The following TMC4 variants were observed in gnomAD, a reference collection of about 807,000 sequenced individuals.
TMC4 encodes voltage-gated chloride channel TMC4.
TMC4 carries 70 observed loss-of-function variants against 82.0 expected under a neutral mutation model. That is an observed-to-expected ratio of 0.85 (90% CI 0.70 to 1.04). The LOEUF (loss-of-function observed/expected upper bound fraction) is 1.04. TMC4 is among the 50% of genes least tolerant of loss of function. The pLI, the probability that TMC4 is intolerant of heterozygous loss-of-function variation, is 0.00. For synonymous variants in TMC4, 446 were observed against 406.0 expected, an observed-to-expected ratio of 1.10 and a Z score of -1.18; for missense variants, 879 against 899.0, an observed-to-expected ratio of 0.98 and a Z score of 0.28.
rs751688808 is a variant in TMC4, at chr19:54,168,174, T to C, written c.794A>G (p.His265Arg). ...VGLICLLLIL[H>R]RSVSGLKQTL... Reference sequence around the variant, plus strand: ...CAGGGGTGCAGGTGCCACTGACCGATGCAGGATGAGCAGGAGGCAGATGAG... The same window carrying C: ...CAGGGGTGCAGGTGCCACTGACCGACGCAGGATGAGCAGGAGGCAGATGAG... Residue 265 changes from histidine (H) to arginine (R), a missense_variant, in exon 5 of 15, where the codon CAT becomes CGT. His to Arg is a conservative substitution (Grantham distance 29). Coordinates refer to ENST00000619895, the MANE Select transcript of TMC4 (RefSeq NM_144686.4). The C allele has an allele frequency of 2.5e-6, 4 of 1,603,610 alleles. No homozygotes were observed. Among genetic ancestry groups the C allele is most frequent in the East Asian group, 2.2e-5 (1 of 44,500 alleles).
Position 54,160,153 on chromosome 19 carries a change from G to C in TMC4, c.*153C>G. 1 of 816,094 alleles carries C rather than the reference G, an allele frequency of 1.2e-6. No individual in the cohort carries two copies. Among genetic ancestry groups the C allele is most frequent in the Non-Finnish European group, 1.9e-6 (1 of 540,176 alleles). The allele number at this position is 816,094 out of a possible 1,614,324, so 50.6% of individuals were successfully genotyped here. A position where few individuals can be genotyped will look rare whatever the true frequency, so the allele number is the denominator to read the frequency against. ...TATTGATACAAGGAAGATCACCCGA[G>C]AGTCAGGGACGTGGCGGCGAGGGGC... On this transcript the variant is annotated 3_prime_UTR_variant, in exon 15 of 15. Coordinates refer to ENST00000619895, the MANE Select transcript of TMC4 (RefSeq NM_144686.4).
chr19:54,162,583 G>T, intron 10 of TMC4, 90 bp downstream of exon 10: 1 of 1,055,658 alleles, frequency 9.5e-7, no homozygotes, highest in East Asian at 2.5e-5. Context: ...AGGCGGGAAT[G>T]GTAAAAAGGT....
Position 54,160,137 on chromosome 19 carries a change from A to G in TMC4, c.*169T>C. 5.5e-6 allele frequency: 4 copies of G among 730,142 alleles called. No homozygotes were observed. Among genetic ancestry groups the G allele is most frequent in the South Asian group, 2.6e-5 (1 of 39,024 alleles). The allele number at this position is 730,142 out of a possible 1,614,324, so 45.2% of individuals were successfully genotyped here. A position where few individuals can be genotyped will look rare whatever the true frequency, so the allele number is the denominator to read the frequency against. ...CAACCTCGGCTGTATTTATTGATACAAGGAAGATCACCCGAGAGTCAGGGA... is the reference window on the plus strand; with the variant it reads ...CAACCTCGGCTGTATTTATTGATACGAGGAAGATCACCCGAGAGTCAGGGA... On this transcript the variant is annotated 3_prime_UTR_variant, in exon 15 of 15. Coordinates refer to ENST00000619895, the MANE Select transcript of TMC4 (RefSeq NM_144686.4).
At position 54,171,211 on chromosome 19, in the gene TMC4, C is replaced by T. The variant is rs140392850; in HGVS notation, c.293+659G>A. Among the ~76,000 whole-genome samples, 40 of 152,206 alleles carry T rather than the reference C, an allele frequency of 2.6e-4. No individual in the cohort carries two copies. In the East Asian group the frequency reaches 7.5e-3, roughly 29 times the overall value. The stretch of plus-strand genomic sequence containing the variant: ...GCAACCTCTATCTCCCTGGTTCAAG[C>T]GATTCTCCTGCTTCAGCCTCCCGAG... On this transcript the variant is annotated intron_variant, in intron 2 of 14. Transcript: ENST00000619895.
In TMC4 at chr19:54,168,384, C is replaced by G. The variant is rs192257878; in HGVS notation, c.675+64G>C. ...GGGTCTGGGGTCAGGGTTTGAGGTT[C>G]GTGTCATTGAAGGCACTGGGGTCAC... On this transcript the variant is annotated intron_variant, in intron 4 of 14. Coordinates refer to ENST00000619895, the MANE Select transcript of TMC4 (RefSeq NM_144686.4). 2.2e-5 allele frequency: 34 copies of G among 1,515,968 alleles called. No homozygotes were observed. The Admixed American group carries it at 7.0e-4, about 31-fold the overall frequency. 93.9% of individuals were successfully genotyped at this position (1,515,968 alleles called of 1,614,324 possible). A position where few individuals can be genotyped will look rare whatever the true frequency, so the allele number is the denominator to read the frequency against.
In TMC4 at chr19:54,173,131, G is replaced by A; in HGVS notation, c.-14C>T. The stretch of plus-strand genomic sequence containing the variant: ...GTTTTCTTCCATGGCCCCAGGCTGG[G>A]CTGTCTCTAGTGGCCACCAGGCAGA... On this transcript the variant is annotated 5_prime_UTR_variant, in exon 1 of 15. Coordinates refer to ENST00000619895, the MANE Select transcript of TMC4 (RefSeq NM_144686.4). 1 of 1,613,230 alleles carries A rather than the reference G, an allele frequency of 6.2e-7. No homozygotes were observed. Among genetic ancestry groups the A allele is most frequent in the South Asian group, 1.1e-5 (1 of 91,038 alleles).
intron 2 of TMC4, 55 bp downstream of exon 2, chr19:54,171,815 T>TATAC (rs2075897026): frequency 1.3e-6 from 2 of 1,482,562 alleles, no homozygotes; most frequent in East Asian, 4.8e-5. Context: ...GTCCAGGGTA[T>TATAC]GGGAGAAGGG....
intron 8 of TMC4, 119 bp from the exon 9 acceptor site, chr19:54,163,278 C>A: frequency 4.8e-5 from 49 of 1,030,842 alleles, no homozygotes; most frequent in Non-Finnish European, 6.6e-5. Context: ...GGCCCAGTGA[C>A]AGAATCAGGA....
rs752576938 is a variant in TMC4 at position 54,160,573 on chromosome 19, C to T, written c.1974-28G>A. 2.5e-6 allele frequency: 4 copies of T among 1,613,920 alleles called. No individual in the cohort carries two copies. The South Asian group carries it at 4.4e-5, about 18-fold the overall frequency. On this transcript the variant is annotated intron_variant, in intron 13 of 14. Coordinates refer to ENST00000619895, the MANE Select transcript of TMC4 (RefSeq NM_144686.4). Reference sequence around the variant, plus strand: ...GAAGGAGACAGGAACGGAAGCCACTCCTGACACGCTCTTCCATTATATCCA... The same window carrying T: ...GAAGGAGACAGGAACGGAAGCCACTTCTGACACGCTCTTCCATTATATCCA...
chr19:54,170,431 G>A (rs571437518), intron 2 of TMC4, among the ~76,000 whole-genome samples: 5 of 152,012 alleles, frequency 3.3e-5, no homozygotes, highest in Non-Finnish European at 7.4e-5. Context: ...CTGTCATGCC[G>A]TGTCACTTGC....
chr19:54,162,726 G>C lies in TMC4; in HGVS notation c.1449C>G (p.Leu483=). 1.2e-6 allele frequency: 2 copies of C among 1,614,124 alleles called. No individual in the cohort carries two copies. Among genetic ancestry groups the C allele is most frequent in the African/African-American group, 2.7e-5 (2 of 75,010 alleles). The change falls in exon 10 of 15, where the codon CTC becomes CTG. Residue 483 remains leucine (L), a synonymous_variant. Transcript: ENST00000619895. ...CTGCCAAGACAGTCAGCAGATCAAAGAGCAGAAGTTTGTACATTTCCTGGC... is the reference window on the plus strand; with the variant it reads ...CTGCCAAGACAGTCAGCAGATCAAACAGCAGAAGTTTGTACATTTCCTGGC... ...VLGQEMYKLL[L]FDLLTVLAVA... is the part of the protein sequence containing the mutation.
intron 3 of TMC4, 86 bp from the exon 4 acceptor site, chr19:54,168,766 CCTTCCTTT>C: frequency 1.7e-6 from 1 of 577,970 alleles, no homozygotes; most frequent in African/African-American, 2.3e-5. Context: ...TCCAGCCGCG[CCTTCCTTT>C]CTTTCTTTCT....
At chr19:54,163,640 T>C in intron 8 of TMC4, 84 bp downstream of exon 8, 2 of 1,507,754 alleles carry the variant, frequency 1.3e-6, no homozygotes, top group Non-Finnish European at 9.2e-7. Context: ...TCAGCAGGAT[T>C]TCCGTGTCTT....
intron 9 of TMC4, 131 bp from the exon 10 acceptor site, chr19:54,162,901 C>T (rs965532504): frequency 6.4e-6 from 10 of 1,552,012 alleles, no homozygotes; most frequent in Middle Eastern, 1.7e-4. Flanking sequence ...GTTTTTCAAA[C>T]TTTCATACCC....
At position 54,160,372 on chromosome 19, in the gene TMC4, C is replaced by T. The variant is rs1568716752; in HGVS notation, c.2055G>A (p.Glu685=). 3 of 1,541,510 alleles carry T rather than the reference C, an allele frequency of 1.9e-6. No individual in the cohort carries two copies. The highest frequency in any genetic ancestry group is 2.6e-6 in the Non-Finnish European group (3 of 1,142,818). The change falls in exon 15 of 15, where the codon GAG becomes GAA. Residue 685 remains glutamate, a splice_region_variant and synonymous_variant. Coordinates refer to ENST00000619895, the MANE Select transcript of TMC4 (RefSeq NM_144686.4). ...ISELKRQRET[E]AQNKVFLARR... is the part of the protein sequence containing the mutation. ...GTGCCAGGAAGACTTTATTCTGCGC[C>T]TCCTGGGGCAAAGAGAGGTGGAGGT...
rs200518808 is a variant in TMC4 at position 54,165,384 on chromosome 19, C to G, written c.945+35G>C. 538 of 1,567,678 alleles carry G rather than the reference C, an allele frequency of 3.4e-4. 1 individual carries two copies. In the African/African-American group the frequency reaches 5.3e-3, roughly 16 times the overall value. Reference sequence around the variant, plus strand: ...TATCTCAGCCCGGTCCTGTCTGGTCCCTACCCAGTTGCAGACCCCGCTCCC... The same window carrying G: ...TATCTCAGCCCGGTCCTGTCTGGTCGCTACCCAGTTGCAGACCCCGCTCCC... On this transcript the variant is annotated intron_variant, in intron 6 of 14. Transcript: ENST00000619895.
rs915477240 is a variant in TMC4 at position 54,169,771 on chromosome 19, A to C, written c.294-111T>G. The stretch of plus-strand genomic sequence containing the variant: ...TGGAGAAGTAAATTGTGGCCTATAC[A>C]TAAGATAGAATACTCTGTAGCAATA... On this transcript the variant is annotated intron_variant, in intron 2 of 14. Transcript: ENST00000619895. 7 of 1,405,928 alleles carry C rather than the reference A, an allele frequency of 5.0e-6. No individual in the cohort carries two copies. In the East Asian group the frequency reaches 7.2e-5, roughly 14 times the overall value. 87.1% of individuals were successfully genotyped at this position (1,405,928 alleles called of 1,614,324 possible).
At chr19:54,168,893 TTC>T (rs2075796102) in intron 3 of TMC4, among the ~76,000 whole-genome samples, 1 of 33,622 alleles carries the variant, frequency 3.0e-5, no homozygotes, top group Non-Finnish European at 5.0e-5. Flanking sequence ...TTTTCTTTCT[TTC>T]CTTTCTTTCT....
Position 54,160,341 on chromosome 19 carries a change from C to A in TMC4, c.2086G>T (p.Ala696Ser). Residue 696 changes from alanine to serine, a missense_variant, in exon 15 of 15, where the codon GCT (alanine) becomes TCT (serine). Coordinates refer to ENST00000619895, the MANE Select transcript of TMC4 (RefSeq NM_144686.4). ...AQNKVFLARR[A>S]VALTSTKPAL ...GGTTTGGTGGAGGTCAGCGCCACAGCGCGCCGTGCCAGGAAGACTTTATTC... is the reference window on the plus strand; with the variant it reads ...GGTTTGGTGGAGGTCAGCGCCACAGAGCGCCGTGCCAGGAAGACTTTATTC... The A allele has an allele frequency of 6.6e-7, 1 of 1,523,710 alleles. No individual in the cohort carries two copies. The allele number at this position is 1,523,710 out of a possible 1,614,324, so 94.4% of individuals were successfully genotyped here.
Sources: allele counts gnomAD v4.1 joint callset (sites outside exome capture counted in the v4.1 genomes callset), GRCh38; gene constraint gnomAD v4.1.1; transcripts MANE v1.5; gene names NCBI Gene and HGNC (gene_info 2026-07-23, HGNC 2026-07-21).